The following SDAD1 variants were observed in gnomAD, a reference collection of about 807,000 sequenced individuals.
SDAD1 encodes the protein protein SDA1 homolog.
In SDAD1, 79 loss-of-function variants were observed where a neutral mutation model predicts 100.3. That is an observed-to-expected ratio of 0.79 (90% CI 0.66 to 0.95). The LOEUF is 0.95. Ranked by LOEUF, SDAD1 falls within the 40% of genes least tolerant of loss-of-function variation. SDAD1 has a pLI of 0.00. For synonymous variants in SDAD1, 267 were observed against 271.4 expected (o/e 0.98, Z 0.16); for missense variants, 790 against 810.9 (o/e 0.97, Z 0.31).
At position 75,961,769 on chromosome 4, in the gene SDAD1, C is replaced by G. The variant is rs180828218; in HGVS notation, c.1182-461G>C. Among the ~76,000 whole-genome samples the G allele has an allele frequency of 1.1e-3, 168 of 152,154 alleles. 1 individual carries two copies. Among genetic ancestry groups the G allele is most frequent in the African/African-American group, 3.9e-3 (163 of 41,514 alleles). ...CAACCAAAAGGGCTACTAAATTGCCCTAGGAAAAAAGAGTGCTTCAATAAT... is the reference window on the plus strand; with the variant it reads ...CAACCAAAAGGGCTACTAAATTGCCGTAGGAAAAAAGAGTGCTTCAATAAT... On this transcript the variant is annotated intron_variant, in intron 14 of 21. Transcript: ENST00000356260.
At chr4:75,986,397 C>T (rs1730896507) in intron 1 of SDAD1, among the ~76,000 whole-genome samples, 1 of 152,184 alleles carries the variant, frequency 6.6e-6, no homozygotes, top group Non-Finnish European at 1.5e-5. Context: ...TCCAACCTCA[C>T]TTTTTCCCTG....
intron 1 of SDAD1, among the ~76,000 whole-genome samples, chr4:75,984,778 A>ACACACACACACACAC (rs1730779567): frequency 3.1e-4 from 43 of 137,024 alleles, no homozygotes; most frequent in South Asian, 1.8e-3. Flanking sequence ...CACACACACA[A>ACACACACACACACAC]ACACACACAC....
At chr4:75,973,940 GC>G in intron 7 of SDAD1, 135 bp downstream of exon 7, 1 of 654,936 alleles carries the variant, frequency 1.5e-6, no homozygotes. Context: ...TGCAGTTTAT[GC>G]TGAGTGATGC....
chr4:75,976,708 A>C (rs1326374192), intron 4 of SDAD1, among the ~76,000 whole-genome samples: 1 of 151,794 alleles, frequency 6.6e-6, no homozygotes, highest in East Asian at 1.9e-4. Context: ...AAGTGGATGA[A>C]TTTTACATAA....
rs918595552 is a variant in SDAD1 at position 75,975,977 on chromosome 4, C to A, written c.424G>T (p.Val142Leu). The A allele has an allele frequency of 6.3e-7, 1 of 1,599,372 alleles. No individual in the cohort carries two copies. Among genetic ancestry groups the A allele is most frequent in the Non-Finnish European group, 8.6e-7 (1 of 1,167,078 alleles). ...GCATTTATATTCTTGATATCAGTCA[C>A]AATATGTGTGTATAAAGTCTGAGGA... Reference protein sequence around the residue: ...LLRKTLYTHIVTDIKNINAKH... With the variant: ...LLRKTLYTHILTDIKNINAKH... Residue 142 changes from valine (V) to leucine (L), a missense_variant, in exon 5 of 22, where the codon GTG (valine) becomes TTG (leucine). Physicochemically the swap from Val to Leu is conservative, Grantham distance 32. Coordinates refer to ENST00000356260, the MANE Select transcript of SDAD1 (RefSeq NM_018115.4).
chr4:75,985,248 C>T (rs1730821749), intron 1 of SDAD1, among the ~76,000 whole-genome samples: 1 of 152,158 alleles, frequency 6.6e-6, no homozygotes, highest in Non-Finnish European at 1.5e-5. Flanking sequence ...CTGTAATCCT[C>T]ATTCCACTAC....
At chr4:75,985,616 A>C (rs1238185428) in intron 1 of SDAD1, among the ~76,000 whole-genome samples, 3 of 152,012 alleles carry the variant, frequency 2.0e-5, no homozygotes, top group Non-Finnish European at 4.4e-5. Flanking sequence ...TCCTGTTATA[A>C]TACTTGGTGA....
intron 1 of SDAD1, among the ~76,000 whole-genome samples, chr4:75,989,650 G>C (rs544625167): frequency 7.9e-5 from 12 of 152,348 alleles, no homozygotes; most frequent in African/African-American, 2.9e-4. Context: ...TTATCTAACG[G>C]AATTATATAG....
rs775300867 is a variant in SDAD1, at chr4:75,961,279, C to T, written c.1211G>A (p.Arg404Gln). 1.1e-5 allele frequency: 18 copies of T among 1,613,856 alleles called. No homozygotes were observed. The highest frequency in any genetic ancestry group is 1.4e-5 in the Non-Finnish European group (16 of 1,179,878). ...GINAIKEITA[R>Q]CPLAMTEELL... ...TTCTTCAGTCATGGCCAGAGGACAT[C>T]GAGCTGTTATCTCCTTTATAGCATT... Residue 404 changes from arginine to glutamine, a missense_variant, in exon 15 of 22, where the codon CGA becomes CAA. Arg to Gln is a conservative substitution (Grantham distance 43, BLOSUM62 1). Coordinates refer to ENST00000356260, the MANE Select transcript of SDAD1 (RefSeq NM_018115.4).
At chr4:75,959,091 C>A (rs1729071433) in intron 17 of SDAD1, among the ~76,000 whole-genome samples, 1 of 54,516 alleles carries the variant, frequency 1.8e-5, no homozygotes, top group Non-Finnish European at 3.3e-5. Context: ...CAGCAAGACT[C>A]TGTCTCAAAA....
At chr4:75,969,758 G>A (rs1729759261) in intron 10 of SDAD1, among the ~76,000 whole-genome samples, 1 of 152,138 alleles carries the variant, frequency 6.6e-6, no homozygotes, top group Admixed American at 6.5e-5. Flanking sequence ...GCAAGTTTGA[G>A]AAACACTGAT....
At chr4:75,966,330 G>C (rs1372980511) in intron 12 of SDAD1, among the ~76,000 whole-genome samples, 1 of 150,362 alleles carries the variant, frequency 6.7e-6, no homozygotes, top group African/African-American at 2.5e-5. Flanking sequence ...TTTTCAAAGG[G>C]GCAGCATAGC....
chr4:75,990,788 A>G lies in SDAD1; in HGVS notation c.54T>C (p.Asn18=). 1 of 1,613,994 alleles carries G rather than the reference A, an allele frequency of 6.2e-7. No individual in the cohort carries two copies. The highest frequency in any genetic ancestry group is 8.5e-7 in the Non-Finnish European group (1 of 1,179,988). The change falls in exon 1 of 22, where the codon AAT becomes AAC. Residue 18 remains asparagine, a synonymous_variant. Transcript: ENST00000356260. ...AGGCCGGCGGGTCTCGCTTGATTAGATTCTGTAACTGCGGCAGGTTGCTGG... is the reference window on the plus strand; with the variant it reads ...AGGCCGGCGGGTCTCGCTTGATTAGGTTCTGTAACTGCGGCAGGTTGCTGG... ...KLPSNLPQLQ[N]LIKRDPPAYI...
intron 3 of SDAD1, 52 bp from the exon 4 acceptor site, chr4:75,977,808 A>G: frequency 1.9e-6 from 2 of 1,064,108 alleles, no homozygotes; most frequent in Non-Finnish European, 2.9e-6. Context: ...TAACAAGGTG[A>G]GAAAATACAG....
At chr4:75,956,926 AT>A (rs1433837166) in intron 20 of SDAD1, among the ~76,000 whole-genome samples, 1 of 152,206 alleles carries the variant, frequency 6.6e-6, no homozygotes, top group Non-Finnish European at 1.5e-5. Context: ...CCTGGCCAAC[AT>A]GGCGAAACCT....
At chr4:75,974,042 G>A in intron 7 of SDAD1, 34 bp downstream of exon 7, 1 of 1,588,342 alleles carries the variant, frequency 6.3e-7, no homozygotes, top group Non-Finnish European at 8.6e-7. Flanking sequence ...ACCATCCACA[G>A]ACAGAGCTTA....
chr4:75,960,927 C>A (rs1390437452), intron 16 of SDAD1, 101 bp downstream of exon 16: 6 of 917,866 alleles, frequency 6.5e-6, no homozygotes, highest in South Asian at 1.4e-5. Flanking sequence ...ACCATGTAAT[C>A]ATAACAGAAG....
Position 75,965,832 on chromosome 4 carries a change from TA to T in SDAD1, c.1046-11del. On this transcript the variant is annotated splice_polypyrimidine_tract_variant and intron_variant, in intron 12 of 21. Transcript: ENST00000356260. Reference sequence around the variant, plus strand: ...AGGATCTTGGTTACTTCTGAAAACATAAGAGAACAGAAAGGTCATGGTCAGT... The same window carrying T: ...AGGATCTTGGTTACTTCTGAAAACATAGAGAACAGAAAGGTCATGGTCAGT... The T allele has an allele frequency of 1.2e-6, 2 of 1,612,428 alleles. No homozygotes were observed. Among genetic ancestry groups the T allele is most frequent in the Non-Finnish European group, 1.7e-6 (2 of 1,178,966 alleles).
intron 8 of SDAD1, among the ~76,000 whole-genome samples, chr4:75,972,284 T>C (rs957868813): frequency 3.3e-5 from 5 of 152,108 alleles, no homozygotes; most frequent in African/African-American, 1.2e-4. Flanking sequence ...CTTGGGTCCC[T>C]TTCCATGCTG....
Sources: allele counts gnomAD v4.1 joint callset (sites outside exome capture counted in the v4.1 genomes callset), GRCh38; gene constraint gnomAD v4.1.1; transcripts MANE v1.5; gene names NCBI Gene and HGNC (gene_info 2026-07-23, HGNC 2026-07-21).